The following PSPH variants were observed in gnomAD, a reference collection of about 807,000 sequenced individuals.
PSPH encodes phosphoserine phosphatase.
In PSPH, 16 loss-of-function variants were observed where a neutral mutation model predicts 23.4. The ratio of observed to expected loss-of-function variants is 0.68; its 90% CI spans 0.46 to 1.04. PSPH has a LOEUF of 1.04. Ranked by LOEUF, PSPH falls within the 50% of genes least tolerant of loss-of-function variation. The pLI, the probability that PSPH is intolerant of heterozygous loss-of-function variation, is 0.00. For synonymous variants in PSPH, 68 were observed against 99.7 expected (o/e 0.68, Z 1.89); for missense variants, 223 against 273.7 (o/e 0.81, Z 1.31).
intron 5 of PSPH, among the ~76,000 whole-genome samples, chr7:56,018,526 C>G (rs1316757914): frequency 2.6e-5 from 4 of 152,086 alleles, no homozygotes; most frequent in Non-Finnish European, 5.9e-5. Context: ...ACTGGCCAGA[C>G]AAGACCACGT....
chr7:56,043,988 G>A (rs537408729), intron 1 of PSPH, among the ~76,000 whole-genome samples: 6 of 151,984 alleles, frequency 3.9e-5, no homozygotes, highest in South Asian at 2.1e-4. Flanking sequence ...ATGGAGTTTC[G>A]TCTTGTTGCC....
intron 3 of PSPH, among the ~76,000 whole-genome samples, chr7:56,022,197 T>C (rs1789566497): frequency 6.6e-6 from 1 of 151,770 alleles, no homozygotes; most frequent in Admixed American, 6.6e-5. Context: ...TAGCTGAGCA[T>C]AGTGGTGCAC....
rs1791663919 is a variant in PSPH at position 56,035,886 on chromosome 7, C to T, written c.-291-1780G>A. On this transcript the variant is annotated intron_variant, in intron 1 of 7. Coordinates refer to ENST00000275605, the MANE Select transcript of PSPH (RefSeq NM_004577.4). ...CTGCCCACCTCGGCCTCCCAAAGTG[C>T]TGGGATTACAGGCATGAGCCACCAC... Among the ~76,000 whole-genome samples the T allele has an allele frequency of 4.0e-5, 6 of 151,014 alleles. No individual in the cohort carries two copies. The South Asian group carries it at 1.3e-3, about 33-fold the overall frequency.
intron 3 of PSPH, among the ~76,000 whole-genome samples, chr7:56,030,716 T>C (rs1790862572): frequency 6.7e-6 from 1 of 149,966 alleles, no homozygotes; most frequent in African/African-American, 2.5e-5. Flanking sequence ...CTGGCCAACA[T>C]GGTGAAATGC....
intron 1 of PSPH, among the ~76,000 whole-genome samples, chr7:56,047,167 T>C (rs554857500): frequency 1.1e-4 from 17 of 151,906 alleles, no homozygotes; most frequent in Admixed American, 5.9e-4. Flanking sequence ...GAGGACTGCT[T>C]GAGCCCAGAA....
At chr7:56,033,246 C>T (rs1189931407) in intron 2 of PSPH, 2 of 151,838 alleles carry the variant, frequency 1.3e-5, no homozygotes, top group Non-Finnish European at 2.9e-5. Context: ...AATCCCAGCA[C>T]TTTGGGAGGC....
chr7:56,046,976 A>G (rs1467125045), intron 1 of PSPH, among the ~76,000 whole-genome samples: 1 of 152,164 alleles, frequency 6.6e-6, no homozygotes, highest in Non-Finnish European at 1.5e-5. Context: ...AGCCCCAGAT[A>G]AAGAGCATTC....
intron 6 of PSPH, among the ~76,000 whole-genome samples, chr7:56,016,619 G>A (rs1232554877): frequency 6.6e-6 from 1 of 151,780 alleles, no homozygotes; most frequent in Non-Finnish European, 1.5e-5. Flanking sequence ...ACCCAGGCTG[G>A]AAGTGCAGTG....
At chr7:56,013,491 C>G (rs1426439835) in intron 7 of PSPH, among the ~76,000 whole-genome samples, 1 of 148,890 alleles carries the variant, frequency 6.7e-6, no homozygotes, top group East Asian at 2.0e-4. Context: ...GCACTCCGGC[C>G]TAGGTGACAG....
At chr7:56,049,566 G>T (rs1793719448) in intron 1 of PSPH, among the ~76,000 whole-genome samples, 1 of 151,742 alleles carries the variant, frequency 6.6e-6, no homozygotes, top group Admixed American at 6.6e-5. Context: ...AGCCTCCCGA[G>T]GAACTGGGAT....
intron 3 of PSPH, among the ~76,000 whole-genome samples, chr7:56,028,473 C>T (rs956633427): frequency 2.0e-5 from 3 of 152,098 alleles, no homozygotes; most frequent in African/African-American, 7.2e-5. Context: ...CTCAAATGAT[C>T]CTCCCATCTC....
chr7:56,024,995 G>T (rs1394242455), intron 3 of PSPH, among the ~76,000 whole-genome samples: 1 of 151,442 alleles, frequency 6.6e-6, no homozygotes, highest in Non-Finnish European at 1.5e-5. Flanking sequence ...GTAGAGATGG[G>T]GTTTCACCAT....
In PSPH at chr7:56,019,699, T is replaced by C; in HGVS notation, c.176A>G (p.Lys59Arg). Reference sequence around the variant, plus strand: ...GGCTAAGCGCTCTGTGAGAGCAGCTTTGAAAGGCACTGCCCCGCCCATGGC... The same window carrying C: ...GGCTAAGCGCTCTGTGAGAGCAGCTCTGAAAGGCACTGCCCCGCCCATGGC... The part of the protein sequence containing the change: ...RRAMGGAVPF[K>R]AALTERLALI... Residue 59 changes from lysine (K) to arginine (R), a missense_variant, in exon 5 of 8, where the codon AAA becomes AGA. By Grantham distance (26) the Lys-to-Arg change is conservative (BLOSUM62 2). Coordinates refer to ENST00000275605, the MANE Select transcript of PSPH (RefSeq NM_004577.4). The C allele has an allele frequency of 2.5e-6, 4 of 1,613,850 alleles. No homozygotes were observed. The highest frequency in any genetic ancestry group is 3.4e-6 in the Non-Finnish European group (4 of 1,179,880).
intron 1 of PSPH, among the ~76,000 whole-genome samples, chr7:56,045,604 T>C (rs1793117339): frequency 6.6e-6 from 1 of 152,038 alleles, no homozygotes. Flanking sequence ...AGAAGACTCC[T>C]GGCCAGGCGC....
rs539749733 is a variant in PSPH at position 56,018,481 on chromosome 7, G to GA, written c.276-1103dup. On this transcript the variant is annotated intron_variant, in intron 5 of 7. Coordinates refer to ENST00000275605, the MANE Select transcript of PSPH (RefSeq NM_004577.4). ...AAGGAAAGCTTAGGTTTTCCCTGGAGAAAGAGGAAAGGCAGAAACCGACAG... is the reference window on the plus strand; with the variant it reads ...AAGGAAAGCTTAGGTTTTCCCTGGAGAAAAGAGGAAAGGCAGAAACCGACAG... Among the ~76,000 whole-genome samples the GA allele has an allele frequency of 1.3e-3, 193 of 152,246 alleles. 6 individuals carry two copies. The South Asian group carries it at 0.039, about 31-fold the overall frequency.
At chr7:56,026,944 G>A (rs1456049309) in intron 3 of PSPH, among the ~76,000 whole-genome samples, 2 of 152,040 alleles carry the variant, frequency 1.3e-5, no homozygotes, top group Non-Finnish European at 2.9e-5. Flanking sequence ...GGTGGCTCAT[G>A]CCTGTAATCC....
intron 1 of PSPH, among the ~76,000 whole-genome samples, chr7:56,050,120 C>T (rs879665225): frequency 3.3e-5 from 5 of 152,156 alleles, no homozygotes; most frequent in Non-Finnish European, 4.4e-5. Flanking sequence ...AGTCTTCTAT[C>T]GTGCAGTGCT....
intron 1 of PSPH, among the ~76,000 whole-genome samples, chr7:56,044,272 G>A (rs1792941505): frequency 6.6e-6 from 1 of 152,038 alleles, no homozygotes. Context: ...TGAGGACACT[G>A]CTAATGAATA....
rs1211811632 is a variant in PSPH at position 56,021,175 on chromosome 7, G to A, written c.38C>T (p.Ser13Leu). ...SHSELRKLFY[S>L]ADAVCFDVDS... is the part of the protein sequence containing the mutation. ...AACATCAAAACACACAGCATCTGCT[G>A]AGTAGAAAAGCTTCCTCAGCTCTGA... The change falls in exon 4 of 8, where the codon TCA becomes TTA. Residue 13 changes from serine to leucine, a missense_variant. Ser to Leu is a moderately radical substitution (Grantham distance 145). Transcript: ENST00000275605. 10 of 1,614,218 alleles carry A rather than the reference G, an allele frequency of 6.2e-6. No homozygotes were observed. The highest frequency in any genetic ancestry group is 1.3e-5 in the African/African-American group (1 of 75,080).
Sources: gnomAD v4.1 joint callset for allele counts (sites outside exome capture counted in the v4.1 genomes callset) on GRCh38, gnomAD v4.1.1 for gene constraint, MANE v1.5 for transcripts, NCBI Gene and HGNC (gene_info 2026-07-23, HGNC 2026-07-21) for gene names.